DOCK1: variants seen among roughly 807,000 people sequenced by gnomAD.
The protein encoded by DOCK1 is dedicator of cytokinesis 1, also known as dedicator of cytokinesis protein 1.
DOCK1 carries 138 observed loss-of-function variants against 262.7 expected under a neutral mutation model. That is an observed-to-expected ratio of 0.53 (90% CI 0.46 to 0.61). The LOEUF (loss-of-function observed/expected upper bound fraction) is 0.61, where lower values mean the gene tolerates loss of function less well. Ranked by LOEUF, DOCK1 falls within the 20% of genes least tolerant of loss-of-function variation. The pLI is 0.00. For synonymous variants in DOCK1, 866 were observed against 867.4 expected (o/e 1.00, Z 0.03); for missense variants, 1,908 against 2,370.7 (o/e 0.80, Z 4.05).
At chr10:127,137,475 A>T (rs2133224375) in intron 27 of DOCK1, 1 of 177,190 alleles carries the variant, frequency 5.6e-6, no homozygotes, top group Admixed American at 6.3e-5. Context: ...GCTTGAAAAT[A>T]ATTATGAGTT....
intron 24 of DOCK1, 51 bp from the exon 25 acceptor site, chr10:127,110,197 A>G: frequency 6.9e-7 from 1 of 1,459,086 alleles, no homozygotes; most frequent in Middle Eastern, 1.7e-4. Context: ...ACAACATTGG[A>G]TCCTTTTGCT....
chr10:127,070,961 G>T (rs530305574), intron 23 of DOCK1, among the ~76,000 whole-genome samples: 1 of 152,036 alleles, frequency 6.6e-6, no homozygotes, highest in East Asian at 1.9e-4. Flanking sequence ...AGCCTTCAAG[G>T]CTGGCTTCAT....
chr10:127,339,315 G>A (rs2063324998), intron 30 of DOCK1, among the ~76,000 whole-genome samples: 1 of 152,116 alleles, frequency 6.6e-6, no homozygotes. Flanking sequence ...TCAGAGAGAA[G>A]CTATTGAATC....
intron 46 of DOCK1, among the ~76,000 whole-genome samples, chr10:127,425,081 T>G (rs1214053594): frequency 6.6e-6 from 1 of 152,254 alleles, no homozygotes; most frequent in African/African-American, 2.4e-5. Flanking sequence ...TTCTGTCCTA[T>G]TAGGAAAATC....
chr10:127,017,077 C>T (rs1411983958), intron 12 of DOCK1, among the ~76,000 whole-genome samples: 5 of 145,232 alleles, frequency 3.4e-5, no homozygotes, highest in African/African-American at 1.3e-4. Context: ...ACACCATAAA[C>T]ACAGATACAC....
chr10:127,302,293 TGAG>T (rs1197173570), intron 29 of DOCK1, among the ~76,000 whole-genome samples: 1 of 152,144 alleles, frequency 6.6e-6, no homozygotes, highest in Non-Finnish European at 1.5e-5. Flanking sequence ...AGGGAGATGC[TGAG>T]GAGAGCAGAG....
chr10:127,336,715 A>AT (rs1342445700), intron 29 of DOCK1, among the ~76,000 whole-genome samples: 1 of 151,726 alleles, frequency 6.6e-6, no homozygotes, highest in Non-Finnish European at 1.5e-5. Context: ...AATTTTTTGT[A>AT]TTTTTAGTAG....
chr10:127,220,784 T>C (rs931762081), intron 27 of DOCK1, among the ~76,000 whole-genome samples: 2 of 152,112 alleles, frequency 1.3e-5, no homozygotes, highest in Non-Finnish European at 2.9e-5. Context: ...TTTTTCCCTT[T>C]AATTGATTTT....
intron 32 of DOCK1, 121 bp downstream of exon 32, chr10:127,354,848 G>A: frequency 1.7e-6 from 2 of 1,171,464 alleles, no homozygotes; most frequent in South Asian, 1.4e-5. Context: ...TCCTTGGACA[G>A]CAGTTGCTAC....
chr10:127,358,286 T>A (rs1156922165), intron 32 of DOCK1, among the ~76,000 whole-genome samples: 1 of 152,136 alleles, frequency 6.6e-6, no homozygotes, highest in Non-Finnish European at 1.5e-5. Flanking sequence ...TTGCTCAATT[T>A]AATGCAAGGG....
At chr10:127,229,421 A>G (rs1564919687) in intron 27 of DOCK1, among the ~76,000 whole-genome samples, 1 of 152,128 alleles carries the variant, frequency 6.6e-6, no homozygotes, top group African/African-American at 2.4e-5. Flanking sequence ...TGGTAACCAC[A>G]ATTCTACTTT....
At chr10:127,339,299 G>A (rs1424344234) in intron 30 of DOCK1, among the ~76,000 whole-genome samples, 1 of 152,144 alleles carries the variant, frequency 6.6e-6, no homozygotes, top group Non-Finnish European at 1.5e-5. Context: ...AAGAGATAGA[G>A]TTGTTTCAGA....
At chr10:127,232,899 A>C (rs888852285) in intron 27 of DOCK1, among the ~76,000 whole-genome samples, 1 of 152,198 alleles carries the variant, frequency 6.6e-6, no homozygotes, top group Non-Finnish European at 1.5e-5. Flanking sequence ...CTCCCACTGC[A>C]TGCTGTTAAG....
intron 49 of DOCK1, among the ~76,000 whole-genome samples, chr10:127,440,562 GC>G (rs1292033131): frequency 6.6e-6 from 1 of 152,188 alleles, no homozygotes; most frequent in Non-Finnish European, 1.5e-5. Flanking sequence ...CTGGGCGTCG[GC>G]GGGCTGTGAT....
intron 23 of DOCK1, among the ~76,000 whole-genome samples, chr10:127,078,741 C>T (rs1434801587): frequency 6.6e-6 from 1 of 152,148 alleles, no homozygotes; most frequent in Non-Finnish European, 1.5e-5. Context: ...TGATGGAGTA[C>T]TACTTAGCCA....
At chr10:127,280,744 T>C (rs2060931236) in intron 29 of DOCK1, among the ~76,000 whole-genome samples, 1 of 152,204 alleles carries the variant, frequency 6.6e-6, no homozygotes, top group Non-Finnish European at 1.5e-5. Flanking sequence ...TCTGAGAGGT[T>C]TCATACTGTT....
At chr10:127,374,291 A>G (rs1565037561) in intron 35 of DOCK1, 77 bp downstream of exon 35, 5 of 1,476,524 alleles carry the variant, frequency 3.4e-6, no homozygotes, top group Non-Finnish European at 4.5e-6. Context: ...CCCAGCCCTT[A>G]TCTATGACAG....
intron 27 of DOCK1, chr10:127,137,003 G>C (rs1017364933): frequency 1.3e-5 from 2 of 152,618 alleles, no homozygotes; most frequent in East Asian, 1.9e-4. Context: ...TATGTTCTCA[G>C]ATTCTTGCCA....
chr10:127,400,789 C>G (rs2067177890), intron 38 of DOCK1, among the ~76,000 whole-genome samples: 1 of 152,156 alleles, frequency 6.6e-6, no homozygotes. Flanking sequence ...CACCTCCCAC[C>G]CCCAGTCATG....
Sources: allele counts gnomAD v4.1 joint callset (sites outside exome capture counted in the v4.1 genomes callset), GRCh38; gene constraint gnomAD v4.1.1; transcripts MANE v1.5; gene names NCBI Gene and HGNC (gene_info 2026-07-23, HGNC 2026-07-21).